Variants in KMT2C observed in about 807,000 individuals in gnomAD.
The protein encoded by KMT2C is lysine methyltransferase 2C, also known as histone-lysine N-methyltransferase 2C.
KMT2C carries 88 observed loss-of-function variants against 507.9 expected under a neutral mutation model. The observed-to-expected ratio is 0.17, with a 90% CI of 0.15 to 0.21. The LOEUF is 0.21. Among genes scored for constraint, KMT2C ranks in the 10% least tolerant of loss-of-function variants. KMT2C has a pLI of 1.00. For synonymous variants in KMT2C, 2,049 were observed against 2,080.8 expected (o/e 0.98, Z 0.42); for missense variants, 4,954 against 5,957.8 (o/e 0.83, Z 5.55).
intron 1 of KMT2C, among the ~76,000 whole-genome samples, chr7:152,409,771 C>T (rs903807443): frequency 5.9e-5 from 9 of 152,162 alleles, no homozygotes; most frequent in African/African-American, 2.2e-4. Flanking sequence ...AAATAAAATG[C>T]TGGTTAAGTG....
At chr7:152,281,277 T>C (rs2096203041) in intron 6 of KMT2C, among the ~76,000 whole-genome samples, 1 of 152,046 alleles carries the variant, frequency 6.6e-6, no homozygotes, top group African/African-American at 2.4e-5. Context: ...AGCATGTAAG[T>C]TATAAAAATG....
intron 33 of KMT2C, 113 bp downstream of exon 33, chr7:152,187,149 G>T (rs2093652387): frequency 7.9e-6 from 6 of 757,292 alleles, no homozygotes; most frequent in Non-Finnish European, 1.1e-5. Flanking sequence ...TCATGTTGTG[G>T]GTCATCATAG....
intron 20 of KMT2C, among the ~76,000 whole-genome samples, chr7:152,223,624 T>A (rs1017927909): frequency 6.6e-6 from 1 of 151,982 alleles, no homozygotes; most frequent in African/African-American, 2.4e-5. Context: ...TGAAACCCTG[T>A]CTCTACTAAA....
chr7:152,333,323 C>T (rs2096901682), intron 2 of KMT2C, among the ~76,000 whole-genome samples: 1 of 152,114 alleles, frequency 6.6e-6, no homozygotes. Context: ...ATGGGGGTCT[C>T]ACTATGTTGC....
intron 43 of KMT2C, among the ~76,000 whole-genome samples, chr7:152,161,394 A>T (rs572690650): frequency 1.3e-5 from 2 of 152,338 alleles, no homozygotes; most frequent in East Asian, 3.9e-4. Flanking sequence ...TTATGAATGC[A>T]CTGGTAATGG....
intron 22 of KMT2C, 127 bp downstream of exon 22, chr7:152,221,874 T>G: frequency 1.5e-6 from 1 of 662,566 alleles, no homozygotes; most frequent in East Asian, 2.8e-5. Flanking sequence ...TGGAAATGAT[T>G]ACCAACATTA....
At chr7:152,289,554 A>G (rs1215086697) in intron 6 of KMT2C, among the ~76,000 whole-genome samples, 3 of 152,220 alleles carry the variant, frequency 2.0e-5, no homozygotes, top group Admixed American at 6.5e-5. Context: ...CAAATAACAA[A>G]CCACAATTAT....
Position 152,154,311 on chromosome 7 carries a change from A to G in KMT2C, c.12095T>C (p.Val4032Ala). 6.2e-7 allele frequency: 1 copy of G among 1,614,234 alleles called. No individual in the cohort carries two copies. The highest frequency in any genetic ancestry group is 2.2e-5 in the East Asian group (1 of 44,886). ...AAGAATTGGAATGATGGGGGACGGC[A>G]CCGGTTCTGGAGGCTCCTCCTTGAC... is the stretch of plus-strand genomic sequence containing the variant. ...SLVKEEPPEP[V>A]PSPIIPILPS... Residue 4032 changes from valine (V) to alanine (A), a missense_variant, in exon 47 of 59, where the codon GTG (valine) becomes GCG (alanine). By Grantham distance (64) the Val-to-Ala change is moderately conservative. Coordinates refer to ENST00000262189, the MANE Select transcript of KMT2C (RefSeq NM_170606.3).
chr7:152,362,310 G>GTAAA (rs1212645078), intron 1 of KMT2C, among the ~76,000 whole-genome samples: 1 of 152,076 alleles, frequency 6.6e-6, no homozygotes, highest in Non-Finnish European at 1.5e-5. Flanking sequence ...AAGTGAGGGG[G>GTAAA]GTTAGAGGGA....
intron 51 of KMT2C, among the ~76,000 whole-genome samples, chr7:152,150,664 T>C (rs1448027962): frequency 2.0e-5 from 3 of 152,102 alleles, no homozygotes; most frequent in Admixed American, 2.0e-4. Flanking sequence ...TAGTGTTCTG[T>C]TTACTGAACT....
intron 1 of KMT2C, chr7:152,367,919 C>A: frequency 2.9e-6 from 3 of 1,025,378 alleles, no homozygotes; most frequent in Non-Finnish European, 4.6e-6. Context: ...TGATTATCAT[C>A]CAACTTATTG....
At chr7:152,305,122 C>G (rs917947812) in intron 6 of KMT2C, among the ~76,000 whole-genome samples, 1 of 152,068 alleles carries the variant, frequency 6.6e-6, no homozygotes, top group Non-Finnish European at 1.5e-5. Context: ...ATTAATTAGT[C>G]TACAAATATT....
Position 152,139,810 on chromosome 7 carries a change from A to G in KMT2C, c.14344-19T>C, listed in dbSNP as rs199893678. ...CCAGCCCCTAAAAAAAAGTGTGTAC[A>G]TACTTCCAATTTATGTGACAACAAG... On this transcript the variant is annotated intron_variant, in intron 55 of 58. Coordinates refer to ENST00000262189, the MANE Select transcript of KMT2C (RefSeq NM_170606.3). 6.8e-5 allele frequency: 104 copies of G among 1,539,260 alleles called. No individual in the cohort carries two copies. The highest frequency in any genetic ancestry group is 8.7e-5 in the Non-Finnish European group (97 of 1,114,570).
chr7:152,136,449 C>A lies in KMT2C; in HGVS notation c.*383G>T, dbSNP rs545156378. On this transcript the variant is annotated 3_prime_UTR_variant, in exon 59 of 59. Coordinates refer to ENST00000262189, the MANE Select transcript of KMT2C (RefSeq NM_170606.3). The stretch of plus-strand genomic sequence containing the variant: ...TTCATAGGAAGGCCCCTGCCCGGGG[C>A]AGGGCAGCCATCGGCTCTTTGCCCC... The A allele has an allele frequency of 4.0e-6, 1 of 252,526 alleles. No homozygotes were observed. The highest frequency in any genetic ancestry group is 5.1e-5 in the Admixed American group (1 of 19,428). 15.6% of individuals were successfully genotyped at this position (252,526 alleles called of 1,614,324 possible).
chr7:152,381,305 C>T (rs1389743726), intron 1 of KMT2C, among the ~76,000 whole-genome samples: 2 of 125,244 alleles, frequency 1.6e-5, no homozygotes, highest in African/African-American at 6.3e-5. Flanking sequence ...TTTTGCTCCC[C>T]AAGGGACATC....
chr7:152,305,857 C>T (rs1212590252), intron 6 of KMT2C, among the ~76,000 whole-genome samples: 1 of 152,264 alleles, frequency 6.6e-6, no homozygotes, highest in African/African-American at 2.4e-5. Flanking sequence ...TAAGGAACTA[C>T]TTCTCAAGGA....
chr7:152,320,284 C>T (rs1229665221), intron 3 of KMT2C, among the ~76,000 whole-genome samples: 2 of 152,232 alleles, frequency 1.3e-5, no homozygotes, highest in African/African-American at 4.8e-5. Context: ...AGTCTCACTC[C>T]GTTGTCCAGG....
intron 8 of KMT2C, among the ~76,000 whole-genome samples, chr7:152,263,728 C>T (rs375692983): frequency 2.0e-5 from 3 of 152,102 alleles, no homozygotes; most frequent in Non-Finnish European, 4.4e-5. Flanking sequence ...TTTCAAAATA[C>T]GAACCTTGTC....
chr7:152,271,232 G>GA (rs1011524514), intron 7 of KMT2C, among the ~76,000 whole-genome samples: 2 of 151,926 alleles, frequency 1.3e-5, no homozygotes, highest in Non-Finnish European at 2.9e-5. Flanking sequence ...ATTAGGATAG[G>GA]AAAAAATATT....
Sources: gnomAD v4.1 joint callset for allele counts (sites outside exome capture counted in the v4.1 genomes callset) on GRCh38, gnomAD v4.1.1 for gene constraint, MANE v1.5 for transcripts, NCBI Gene and HGNC (gene_info 2026-07-23, HGNC 2026-07-21) for gene names.